MYZAP: variants seen among roughly 807,000 people sequenced by gnomAD.
The protein encoded by MYZAP is GRINL1A complex locus upstream.
Under a neutral mutation model 69.4 loss-of-function variants are expected in MYZAP, and 66 were observed. The ratio of observed to expected loss-of-function variants is 0.95; its 90% CI spans 0.78 to 1.17. The LOEUF (loss-of-function observed/expected upper bound fraction) is 1.17. Among genes scored for constraint, MYZAP ranks in the 50% most tolerant of loss-of-function variants. The pLI, the probability that MYZAP is intolerant of heterozygous loss-of-function variation, is 0.00. For missense variants in MYZAP, 611 were observed against 556.2 expected, an observed-to-expected ratio of 1.10 and a Z score of -0.99; for synonymous variants, 256 against 205.9, an observed-to-expected ratio of 1.24 and a Z score of -2.09.
intron 10 of MYZAP, among the ~76,000 whole-genome samples, chr15:57,659,731 G>T (rs1455965390): frequency 3.3e-5 from 5 of 152,046 alleles, no homozygotes; most frequent in African/African-American, 1.2e-4. Context: ...AATTCAGTTT[G>T]TTCTCAGATT....
At chr15:57,624,034 G>A (rs994086714) in intron 4 of MYZAP, among the ~76,000 whole-genome samples, 22 of 152,272 alleles carry the variant, frequency 1.4e-4, no homozygotes, top group Middle Eastern at 3.4e-3. Context: ...AGGCAGGGTG[G>A]TAACTGAGCA....
At chr15:57,679,924 C>T (rs1324921123) in intron 12 of MYZAP, among the ~76,000 whole-genome samples, 1 of 152,190 alleles carries the variant, frequency 6.6e-6, no homozygotes, top group African/African-American at 2.4e-5. Context: ...AAAGTCTCTC[C>T]TCTTAGGAGT....
chr15:57,609,288 T>C, intron 2 of MYZAP, among the ~76,000 whole-genome samples: 1 of 152,210 alleles, frequency 6.6e-6, no homozygotes, highest in East Asian at 1.9e-4. Flanking sequence ...AAAAACGAGA[T>C]GGCTTCAATA....
chr15:57,650,859 A>G (rs1362182081), intron 10 of MYZAP, among the ~76,000 whole-genome samples: 1 of 152,250 alleles, frequency 6.6e-6, no homozygotes, highest in Non-Finnish European at 1.5e-5. Flanking sequence ...ACCAGAAAGT[A>G]TAGGGTGAGT....
chr15:57,642,944 A>G (rs1379510674), intron 10 of MYZAP, among the ~76,000 whole-genome samples: 2 of 152,178 alleles, frequency 1.3e-5, no homozygotes, highest in African/African-American at 4.8e-5. Context: ...TGTCAAGGTC[A>G]TTGAGAAAAG....
intron 11 of MYZAP, among the ~76,000 whole-genome samples, chr15:57,670,410 CCT>C (rs1405336463): frequency 1.3e-5 from 2 of 152,030 alleles, no homozygotes; most frequent in African/African-American, 4.8e-5. Context: ...CCATTTTTAC[CCT>C]GTTATATTTA....
At chr15:57,607,347 C>A (rs143228928) in intron 2 of MYZAP, among the ~76,000 whole-genome samples, 248 of 152,248 alleles carry the variant, frequency 1.6e-3, no homozygotes, top group African/African-American at 5.5e-3. Flanking sequence ...CAAGTAATCC[C>A]AAGGAAGGAG....
intron 12 of MYZAP, among the ~76,000 whole-genome samples, chr15:57,676,420 G>A (rs62000062): frequency 1.8e-4 from 6 of 33,246 alleles, no homozygotes; most frequent in South Asian, 1.7e-3. Context: ...GTATATATAT[G>A]TGTATATATA....
At chr15:57,644,882 G>T (rs1014129971) in intron 10 of MYZAP, among the ~76,000 whole-genome samples, 1 of 152,216 alleles carries the variant, frequency 6.6e-6, no homozygotes, top group Non-Finnish European at 1.5e-5. Context: ...AGGTACGCTT[G>T]TTAAATAGAT....
chr15:57,617,803 A>G (rs1362306522), intron 2 of MYZAP, among the ~76,000 whole-genome samples: 1 of 152,166 alleles, frequency 6.6e-6, no homozygotes, highest in Non-Finnish European at 1.5e-5. Flanking sequence ...ACAGGCCCTT[A>G]TATACATTAG....
chr15:57,678,641 T>C (rs2039263854), intron 12 of MYZAP, among the ~76,000 whole-genome samples: 1 of 152,080 alleles, frequency 6.6e-6, no homozygotes, highest in Non-Finnish European at 1.5e-5. Flanking sequence ...TTAAACTCTC[T>C]AGACACCCCG....
At chr15:57,663,673 G>A (rs564549800) in intron 11 of MYZAP, among the ~76,000 whole-genome samples, 1 of 152,290 alleles carries the variant, frequency 6.6e-6, no homozygotes, top group African/African-American at 2.4e-5. Context: ...GCCCTCGGCA[G>A]AGCCAGTTAG....
chr15:57,657,861 C>A (rs1212927654), intron 10 of MYZAP, among the ~76,000 whole-genome samples: 1 of 152,126 alleles, frequency 6.6e-6, no homozygotes, highest in Admixed American at 6.5e-5. Context: ...ATTCACAATG[C>A]CACCTGCAAC....
intron 4 of MYZAP, among the ~76,000 whole-genome samples, chr15:57,623,626 C>A (rs142414777): frequency 0.015 from 2,242 of 151,566 alleles, 30 homozygotes; most frequent in South Asian, 0.045. Context: ...CTAGCTACTC[C>A]GTTGGCTGAG....
Position 57,660,111 on chromosome 15 carries a change from G to A in MYZAP, c.1120-1339G>A, listed in dbSNP as rs1003065856. 5.9e-5 allele frequency among the ~76,000 whole-genome samples: 9 copies of A among 152,050 alleles called. 1 individual carries two copies. The highest frequency in any genetic ancestry group is 1.3e-4 in the Non-Finnish European group (9 of 68,004). On this transcript the variant is annotated intron_variant, in intron 10 of 12. Coordinates refer to ENST00000267853, the MANE Select transcript of MYZAP (RefSeq NM_001018100.5). ...CATACCATGCATGGTTTAACCAGTC[G>A]CTTATTGATGGAGTTCTGTTTTGTG...
At chr15:57,663,039 G>C (rs1161683712) in intron 11 of MYZAP, among the ~76,000 whole-genome samples, 1 of 152,144 alleles carries the variant, frequency 6.6e-6, no homozygotes, top group African/African-American at 2.4e-5. Context: ...CTGTTTCTAA[G>C]ATTCCTTTCT....
intron 10 of MYZAP, among the ~76,000 whole-genome samples, chr15:57,654,001 T>TAAA: frequency 1.1e-4 from 1 of 9,162 alleles, no homozygotes; most frequent in Non-Finnish European, 1.8e-4. Context: ...GCAAACGCTG[T>TAAA]CAAAAAAAAA....
chr15:57,660,152 C>G (rs190724458), intron 10 of MYZAP, among the ~76,000 whole-genome samples: 1 of 152,122 alleles, frequency 6.6e-6, no homozygotes, highest in Non-Finnish European at 1.5e-5. Context: ...TAAAATAACA[C>G]ATATCCTTTG....
intron 10 of MYZAP, among the ~76,000 whole-genome samples, chr15:57,652,374 A>T (rs2037771521): frequency 6.6e-6 from 1 of 151,798 alleles, no homozygotes; most frequent in Admixed American, 6.6e-5. Flanking sequence ...TCTATGCATT[A>T]TTTTTTTTGT....
Sources: allele counts gnomAD v4.1 joint callset (sites outside exome capture counted in the v4.1 genomes callset), GRCh38; gene constraint gnomAD v4.1.1; transcripts MANE v1.5; gene names NCBI Gene and HGNC (gene_info 2026-07-23, HGNC 2026-07-21).